Variants in RBM47 observed in about 807,000 individuals in gnomAD.
The protein encoded by RBM47 is RNA binding motif protein 47, also known as RNA-binding protein 47.
In RBM47, 21 loss-of-function variants were observed where a neutral mutation model predicts 47.1. The ratio of observed to expected loss-of-function variants is 0.45; its 90% CI spans 0.32 to 0.64. RBM47 has a LOEUF of 0.64. RBM47 is among the 30% of genes least tolerant of loss of function. The pLI is 0.05. For synonymous variants in RBM47, 375 were observed against 361.7 expected, an observed-to-expected ratio of 1.04 and a Z score of -0.42; for missense variants, 708 against 870.9, an observed-to-expected ratio of 0.81 and a Z score of 2.35.
chr4:40,554,357 C>T (rs548860169), intron 1 of RBM47, among the ~76,000 whole-genome samples: 1 of 141,126 alleles, frequency 7.1e-6, no homozygotes, highest in African/African-American at 2.7e-5. Flanking sequence ...TCAAATAGCC[C>T]AGCATGGAAA....
intron 3 of RBM47, among the ~76,000 whole-genome samples, chr4:40,453,706 G>A (rs142926171): frequency 3.3e-5 from 5 of 152,260 alleles, no homozygotes; most frequent in South Asian, 2.1e-4. Flanking sequence ...GAAGTGGCTG[G>A]AGAGTGTATT....
Position 40,545,155 on chromosome 4 carries a change from A to G in RBM47, c.-239-649T>C, listed in dbSNP as rs373964139. Among the ~76,000 whole-genome samples, 445 of 149,446 alleles carry G rather than the reference A, an allele frequency of 3.0e-3. 3 individuals are homozygous for G. Among genetic ancestry groups the G allele is most frequent in the African/African-American group, 0.011 (428 of 40,630 alleles). ...CAACCTCCGTCTCCCAGGTTCAAGC[A>G]ATTCTCCTGCCTCAGCCTCCCAAGT... On this transcript the variant is annotated intron_variant, in intron 1 of 6. Transcript: ENST00000295971.
At chr4:40,490,745 CA>C (rs1290391208) in intron 2 of RBM47, among the ~76,000 whole-genome samples, 21 of 141,302 alleles carry the variant, frequency 1.5e-4, no homozygotes, top group African/African-American at 1.6e-4. Flanking sequence ...GACTCTGTCT[CA>C]AAAAAAAAAG....
chr4:40,601,168 T>C (rs1735254699), intron 1 of RBM47, among the ~76,000 whole-genome samples: 1 of 152,104 alleles, frequency 6.6e-6, no homozygotes, highest in South Asian at 2.1e-4. Flanking sequence ...CAGGAAGACC[T>C]GAATCTGGAT....
intron 2 of RBM47, among the ~76,000 whole-genome samples, chr4:40,468,041 T>G (rs1290215274): frequency 6.6e-6 from 1 of 152,166 alleles, no homozygotes; most frequent in Admixed American, 6.5e-5. Context: ...ATCCTAGCAC[T>G]TTGGGAGGTC....
At chr4:40,437,084 A>ATATATATAT (rs1712598272) in intron 4 of RBM47, among the ~76,000 whole-genome samples, 1 of 59,896 alleles carries the variant, frequency 1.7e-5, no homozygotes, top group African/African-American at 9.6e-5. Context: ...AAAAAAAAAA[A>ATATATATAT]AAAAAAATAT....
rs375531389 is a variant in RBM47 at position 40,438,133 on chromosome 4, A to T, written c.761T>A (p.Met254Lys). 34 of 1,612,884 alleles carry T rather than the reference A, an allele frequency of 2.1e-5. No homozygotes were observed. Among genetic ancestry groups the T allele is most frequent in the Non-Finnish European group, 2.9e-5 (34 of 1,179,986 alleles). The change falls in exon 4 of 7, where the codon ATG becomes AAG. Residue 254 changes from methionine (M) to lysine (K), a missense_variant. Transcript: ENST00000295971. ...TVKILYVRNLMIETTEDTIKK... is the reference protein window; with the variant it reads ...TVKILYVRNLKIETTEDTIKK... ...GATGGTGTCCTCGGTGGTCTCGATC[A>T]TGAGGTTGCGCACGTAGAGGATCTT...
At chr4:40,507,133 T>A (rs1467078456) in intron 2 of RBM47, among the ~76,000 whole-genome samples, 2 of 152,024 alleles carry the variant, frequency 1.3e-5, no homozygotes, top group African/African-American at 4.8e-5. Flanking sequence ...ATTTGTATAT[T>A]TTTAGTAGAG....
intron 2 of RBM47, among the ~76,000 whole-genome samples, chr4:40,518,456 G>A (rs1445267343): frequency 4.6e-5 from 7 of 152,090 alleles, no homozygotes; most frequent in East Asian, 1.9e-4. Context: ...GACTACAGGC[G>A]TGAGCAACCA....
At chr4:40,510,014 C>A (rs1244115099) in intron 2 of RBM47, among the ~76,000 whole-genome samples, 2 of 151,756 alleles carry the variant, frequency 1.3e-5, no homozygotes, top group African/African-American at 4.8e-5. Context: ...ATGGTAAAAC[C>A]CTGTCTCTAC....
At chr4:40,454,432 G>T (rs1442268005) in intron 3 of RBM47, among the ~76,000 whole-genome samples, 1 of 151,740 alleles carries the variant, frequency 6.6e-6, no homozygotes, top group Non-Finnish European at 1.5e-5. Context: ...GCTAAGTAAG[G>T]GTGTGATCAG....
chr4:40,481,616 A>G (rs1386110717), intron 2 of RBM47, among the ~76,000 whole-genome samples: 2 of 148,734 alleles, frequency 1.3e-5, no homozygotes, highest in African/African-American at 5.0e-5. Context: ...CAGTGGCATG[A>G]TCTCAGCTCA....
At chr4:40,624,982 TG>T (rs1289736274) in intron 1 of RBM47, among the ~76,000 whole-genome samples, 1 of 149,664 alleles carries the variant, frequency 6.7e-6, no homozygotes, top group Non-Finnish European at 1.5e-5. Flanking sequence ...CCCGAGTAGC[TG>T]GGACTACAGG....
At chr4:40,560,213 C>G (rs1009848682) in intron 1 of RBM47, among the ~76,000 whole-genome samples, 1 of 152,196 alleles carries the variant, frequency 6.6e-6, no homozygotes, top group Non-Finnish European at 1.5e-5. Flanking sequence ...CTGGTATCAC[C>G]TGCAAAATCT....
intron 1 of RBM47, among the ~76,000 whole-genome samples, chr4:40,568,300 G>A (rs573892343): frequency 5.9e-5 from 9 of 151,590 alleles, no homozygotes; most frequent in African/African-American, 2.2e-4. Context: ...TGGCGGCGCA[G>A]TGCCTCTGGT....
chr4:40,511,968 T>C (rs569507625), intron 2 of RBM47, among the ~76,000 whole-genome samples: 3 of 150,908 alleles, frequency 2.0e-5, no homozygotes, highest in South Asian at 4.2e-4. Flanking sequence ...AAAGAAAAAC[T>C]AAACAAAAAG....
rs193188024 is a variant in RBM47, at chr4:40,423,547, C to G, written c.*2357G>C. On this transcript the variant is annotated 3_prime_UTR_variant, in exon 7 of 7. Transcript: ENST00000295971. ...TTGAAACAATAGGAACAGATAAGTC[C>G]CAGATAGGAGGCTCACTGATACTTA... The G allele has an allele frequency of 1.2e-4, 18 of 151,928 alleles. No individual in the cohort carries two copies. Among genetic ancestry groups the G allele is most frequent in the Admixed American group, 3.9e-4 (6 of 15,272 alleles). The allele number at this position is 151,928 out of a possible 1,614,324, so 9.4% of individuals were successfully genotyped here.
intron 1 of RBM47, among the ~76,000 whole-genome samples, chr4:40,545,440 G>A (rs1728939607): frequency 6.7e-6 from 1 of 148,620 alleles, no homozygotes; most frequent in Admixed American, 6.7e-5. Flanking sequence ...GAGGCAGGTG[G>A]ATCACCTGAG....
chr4:40,423,563 C>T lies in RBM47; in HGVS notation c.*2341G>A, dbSNP rs952524449. The T allele has an allele frequency of 1.3e-5, 2 of 152,046 alleles. No homozygotes were observed. Among genetic ancestry groups the T allele is most frequent in the Non-Finnish European group, 2.9e-5 (2 of 68,014 alleles). The allele number at this position is 152,046 out of a possible 1,614,324, so 9.4% of individuals were successfully genotyped here. A position where few individuals can be genotyped will look rare whatever the true frequency, so the allele number is the denominator to read the frequency against. ...AGATAAGTCCCAGATAGGAGGCTCA[C>T]TGATACTTAATTGGCCATGTCACCA... is the stretch of plus-strand genomic sequence containing the variant. On this transcript the variant is annotated 3_prime_UTR_variant, in exon 7 of 7. Coordinates refer to ENST00000295971, the MANE Select transcript of RBM47 (RefSeq NM_001098634.2).
Sources: gnomAD v4.1 joint callset for allele counts (sites outside exome capture counted in the v4.1 genomes callset) on GRCh38, gnomAD v4.1.1 for gene constraint, MANE v1.5 for transcripts, NCBI Gene and HGNC (gene_info 2026-07-23, HGNC 2026-07-21) for gene names.